The following CTIF variants were observed in gnomAD, a reference collection of about 807,000 sequenced individuals.
CTIF encodes the protein cap binding complex dependent translation initiation factor.
Under a neutral mutation model 66.0 loss-of-function variants are expected in CTIF, and 21 were observed. The observed-to-expected ratio is 0.32, with a 90% CI of 0.23 to 0.46. CTIF has a LOEUF of 0.46. CTIF is among the 20% of genes least tolerant of loss of function. The pLI is 1.00. For synonymous variants in CTIF, 345 were observed against 326.4 expected (o/e 1.06, Z -0.62); for missense variants, 739 against 812.7 (o/e 0.91, Z 1.10).
At chr18:48,762,588 C>T (rs180679465) in intron 9 of CTIF, among the ~76,000 whole-genome samples, 2 of 152,278 alleles carry the variant, frequency 1.3e-5, no homozygotes, top group Non-Finnish European at 2.9e-5. Context: ...AGTTAAGATA[C>T]AAAGTGAGTT....
intron 6 of CTIF, among the ~76,000 whole-genome samples, chr18:48,678,122 C>T (rs2091666901): frequency 6.6e-6 from 1 of 152,088 alleles, no homozygotes; most frequent in Admixed American, 6.6e-5. Context: ...TTTTCTAATT[C>T]CAGGAGACGG....
chr18:48,684,221 G>A (rs138715477), intron 6 of CTIF, among the ~76,000 whole-genome samples: 3 of 152,160 alleles, frequency 2.0e-5, no homozygotes, highest in Admixed American at 6.5e-5. Context: ...TCATGGGGAG[G>A]TGGGCCCCAA....
At chr18:48,586,865 TAC>T (rs1175444337) in intron 1 of CTIF, among the ~76,000 whole-genome samples, 1 of 152,164 alleles carries the variant, frequency 6.6e-6, no homozygotes, top group South Asian at 2.1e-4. Flanking sequence ...CCACCACTCC[TAC>T]ACAGTGTCTT....
At chr18:48,834,224 T>C (rs2146480176) in intron 10 of CTIF, among the ~76,000 whole-genome samples, 1 of 152,360 alleles carries the variant, frequency 6.6e-6, no homozygotes, top group African/African-American at 2.4e-5. Context: ...AGCAAGCGCC[T>C]CCACTCTGTC....
chr18:48,799,159 G>A (rs1176645835), intron 9 of CTIF, among the ~76,000 whole-genome samples: 6 of 152,162 alleles, frequency 3.9e-5, no homozygotes, highest in Non-Finnish European at 8.8e-5. Flanking sequence ...GATTTTAAGG[G>A]GATGATAAGC....
intron 3 of CTIF, among the ~76,000 whole-genome samples, chr18:48,659,831 G>A (rs751650043): frequency 2.0e-5 from 3 of 152,348 alleles, no homozygotes; most frequent in South Asian, 2.1e-4. Context: ...GCCACAGGGC[G>A]GGGGTGGCTA....
intron 9 of CTIF, among the ~76,000 whole-genome samples, chr18:48,772,228 C>A (rs143913511): frequency 6.6e-6 from 1 of 152,296 alleles, no homozygotes; most frequent in East Asian, 1.9e-4. Context: ...CTAAACCTAG[C>A]GGGAGGGAGT....
chr18:48,850,038 C>A (rs1192124775), intron 10 of CTIF, among the ~76,000 whole-genome samples: 1 of 152,218 alleles, frequency 6.6e-6, no homozygotes, highest in Non-Finnish European at 1.5e-5. Flanking sequence ...CTTCCCAGTT[C>A]CTGGCACCCA....
At chr18:48,795,061 T>A (rs1192619611) in intron 9 of CTIF, among the ~76,000 whole-genome samples, 2 of 152,182 alleles carry the variant, frequency 1.3e-5, no homozygotes, top group Non-Finnish European at 2.9e-5. Flanking sequence ...TGCCGTAGCT[T>A]CCTGTTAAAT....
At chr18:48,766,097 TC>T (rs1419247816) in intron 9 of CTIF, among the ~76,000 whole-genome samples, 2 of 105,806 alleles carry the variant, frequency 1.9e-5, no homozygotes, top group African/African-American at 7.3e-5. Flanking sequence ...ATGCTATCCC[TC>T]CCCCCTCCCC....
At chr18:48,812,572 C>T (rs528013989) in intron 9 of CTIF, among the ~76,000 whole-genome samples, 6 of 151,928 alleles carry the variant, frequency 3.9e-5, no homozygotes, top group Admixed American at 2.6e-4. Flanking sequence ...GCGGGGGCAA[C>T]GTAGACCTTG....
rs1319705076 is a variant in CTIF at position 48,663,758 on chromosome 18, A to G, written c.259A>G (p.Ser87Gly). ...RGRAPPQQNG[S>G]KDNSLDMLGT... ...TCACCCCCATCTCTTCCAGAATGGC[A>G]GCAAAGACAACTCTCTGGACATGCT... Residue 87 changes from serine to glycine, a missense_variant, in exon 4 of 12, where the codon AGC becomes GGC. This residue lies in a region of CTIF where 529 missense variants were observed against 520.3 expected (regional missense o/e 1.02). Coordinates refer to ENST00000256413, the MANE Select transcript of CTIF (RefSeq NM_014772.3). 6.2e-7 allele frequency: 1 copy of G among 1,613,912 alleles called. No individual in the cohort carries two copies. Among genetic ancestry groups the G allele is most frequent in the Admixed American group, 1.7e-5 (1 of 60,002 alleles).
intron 1 of CTIF, among the ~76,000 whole-genome samples, chr18:48,608,814 G>A (rs535215550): frequency 6.6e-6 from 1 of 152,294 alleles, no homozygotes; most frequent in South Asian, 2.1e-4. Flanking sequence ...GTAGTTCAGG[G>A]AGCTGTTGCC....
At chr18:48,835,740 CTA>C (rs1387492768) in intron 10 of CTIF, among the ~76,000 whole-genome samples, 1 of 152,128 alleles carries the variant, frequency 6.6e-6, no homozygotes, top group South Asian at 2.1e-4. Flanking sequence ...AGTGATGGGA[CTA>C]TGTGAGGATC....
chr18:48,570,996 T>A (rs2089403582), intron 1 of CTIF, among the ~76,000 whole-genome samples: 1 of 152,204 alleles, frequency 6.6e-6, no homozygotes, highest in Non-Finnish European at 1.5e-5. Context: ...GCCAGTGGAT[T>A]GTATACTTTA....
intron 1 of CTIF, among the ~76,000 whole-genome samples, chr18:48,603,639 A>G (rs550803471): frequency 6.7e-6 from 1 of 150,118 alleles, no homozygotes; most frequent in Non-Finnish European, 1.5e-5. Context: ...GGATGGATGG[A>G]TGGATGGATG....
intron 7 of CTIF, among the ~76,000 whole-genome samples, chr18:48,756,926 T>A (rs2145854652): frequency 6.6e-6 from 1 of 152,344 alleles, no homozygotes; most frequent in Admixed American, 6.5e-5. Context: ...GTTTGCTAGG[T>A]TGCTGTAACA....
intron 10 of CTIF, among the ~76,000 whole-genome samples, chr18:48,828,872 C>T (rs1160027127): frequency 1.3e-5 from 2 of 152,228 alleles, no homozygotes; most frequent in South Asian, 2.1e-4. Flanking sequence ...CCCCCAGCCC[C>T]GCCTTCGCAG....
At chr18:48,708,188 T>C (rs1048643283) in intron 6 of CTIF, among the ~76,000 whole-genome samples, 1 of 152,220 alleles carries the variant, frequency 6.6e-6, no homozygotes, top group African/African-American at 2.4e-5. Context: ...ACTCACATAT[T>C]ACCTTACCTC....
Sources: gnomAD v4.1 joint callset for allele counts (sites outside exome capture counted in the v4.1 genomes callset) on GRCh38, gnomAD v4.1.1 for gene constraint, gnomAD v4.1.1 regional missense constraint, MANE v1.5 for transcripts, NCBI Gene and HGNC (gene_info 2026-07-23, HGNC 2026-07-21) for gene names.